The following WDR11 variants were observed in gnomAD, a reference collection of about 807,000 sequenced individuals.
WDR11 encodes the protein WD repeat-containing protein 11.
WDR11 carries 83 observed loss-of-function variants against 151.2 expected under a neutral mutation model. That is an observed-to-expected ratio of 0.55 (90% CI 0.46 to 0.66). WDR11 has a LOEUF of 0.66. WDR11 is among the 30% of genes least tolerant of loss of function. The probability of loss-of-function intolerance (pLI) is 0.00; values close to 1 mark genes in which losing one functional copy is unlikely to be tolerated. For synonymous variants in WDR11, 484 were observed against 533.1 expected (o/e 0.91, Z 1.27); for missense variants, 1,301 against 1,480.9 (o/e 0.88, Z 1.99).
At chr10:120,856,846 T>C (rs768798) in intron 2 of WDR11, among the ~76,000 whole-genome samples, 55,447 of 151,812 alleles carry the variant, frequency 0.37, 10,175 homozygotes, top group Admixed American at 0.44. Flanking sequence ...TCTTGTTATT[T>C]GTGGTAGCTA....
intron 13 of WDR11, among the ~76,000 whole-genome samples, chr10:120,881,997 A>G (rs1847023129): frequency 6.6e-6 from 1 of 152,028 alleles, no homozygotes; most frequent in Non-Finnish European, 1.5e-5. Context: ...TTTTTTGTAT[A>G]TTTCCTTTAT....
At chr10:120,857,581 GATCT>G (rs1230746667) in intron 2 of WDR11, among the ~76,000 whole-genome samples, 1 of 152,066 alleles carries the variant, frequency 6.6e-6, no homozygotes, top group Non-Finnish European at 1.5e-5. Flanking sequence ...CTGAGCAAAA[GATCT>G]ATTACAGGAA....
chr10:120,885,695 A>C, intron 14 of WDR11, 119 bp from the exon 15 acceptor site: 1 of 1,265,578 alleles, frequency 7.9e-7, no homozygotes, highest in Non-Finnish European at 1.1e-6. Context: ...ACAAATGTGG[A>C]TTCATGTGTA....
intron 4 of WDR11, among the ~76,000 whole-genome samples, chr10:120,862,146 G>GTT (rs1024130533): frequency 6.8e-6 from 1 of 146,336 alleles, no homozygotes; most frequent in African/African-American, 2.5e-5. Flanking sequence ...TTTTGTTTTT[G>GTT]TTTTTTTTTT....
chr10:120,875,010 C>G (rs554667503), intron 11 of WDR11, among the ~76,000 whole-genome samples: 1 of 151,974 alleles, frequency 6.6e-6, no homozygotes, highest in Non-Finnish European at 1.5e-5. Context: ...GTTCCTCTCG[C>G]TGTGTCTATG....
intron 3 of WDR11, among the ~76,000 whole-genome samples, chr10:120,859,270 T>G (rs1472621630): frequency 7.4e-6 from 1 of 135,936 alleles, no homozygotes; most frequent in African/African-American, 2.9e-5. Context: ...CTTTTTTTTT[T>G]TCTTTTTTTT....
At chr10:120,903,512 A>G (rs1847913610) in intron 23 of WDR11, among the ~76,000 whole-genome samples, 1 of 60,216 alleles carries the variant, frequency 1.7e-5, no homozygotes. Flanking sequence ...TCTGTCTCCA[A>G]AAAAAAAAAA....
In WDR11 at chr10:120,905,927, C is replaced by T. The variant is rs768578655; in HGVS notation, c.3343C>T (p.His1115Tyr). 1 of 1,614,074 alleles carries T rather than the reference C, an allele frequency of 6.2e-7. No homozygotes were observed. Among genetic ancestry groups the T allele is most frequent in the South Asian group, 1.1e-5 (1 of 91,066 alleles). Reference protein sequence around the residue: ...CADVLRRWVDHLCSPQVNQKS... With the variant: ...CADVLRRWVDYLCSPQVNQKS... ...CGATGTTTTAAGGCGGTGGGTTGAC[C>T]ACCTTTGTTCTCCACAAGTCAATCA... Residue 1115 changes from histidine to tyrosine, a missense_variant, in exon 27 of 29, where the codon CAC (histidine) becomes TAC (tyrosine). Physicochemically the swap from His to Tyr is moderately conservative, Grantham distance 83. Coordinates refer to ENST00000263461, the MANE Select transcript of WDR11 (RefSeq NM_018117.12).
chr10:120,882,451 A>G (rs934764215), intron 13 of WDR11, among the ~76,000 whole-genome samples: 3 of 151,076 alleles, frequency 2.0e-5, no homozygotes, highest in African/African-American at 7.3e-5. Flanking sequence ...TAGAATTGAT[A>G]TTATTCTTAC....
chr10:120,860,402 T>C, intron 4 of WDR11, 120 bp downstream of exon 4: 1 of 1,147,600 alleles, frequency 8.7e-7, no homozygotes. Context: ...CTGAGCGAAG[T>C]GGAGAAGCAT....
At chr10:120,872,235 C>T (rs1456233700) in intron 10 of WDR11, among the ~76,000 whole-genome samples, 1 of 152,018 alleles carries the variant, frequency 6.6e-6, no homozygotes, top group Non-Finnish European at 1.5e-5. Flanking sequence ...CTTTTGAAAG[C>T]GATTTGATTT....
At chr10:120,889,593 G>A (rs891742687) in intron 17 of WDR11, 6 of 443,386 alleles carry the variant, frequency 1.4e-5, no homozygotes, top group Non-Finnish European at 2.5e-5. Flanking sequence ...TGGCAAGAAG[G>A]ATCAGTAAAC....
intron 10 of WDR11, 94 bp from the exon 11 acceptor site, chr10:120,873,745 G>A (rs374525519): frequency 1.3e-4 from 111 of 828,520 alleles, no homozygotes; most frequent in African/African-American, 1.2e-3. Context: ...AAAGATAAAT[G>A]TGTTAAGTGA....
At chr10:120,871,431 T>A in intron 10 of WDR11, 85 bp downstream of exon 10, 1 of 1,389,978 alleles carries the variant, frequency 7.2e-7, no homozygotes, top group Admixed American at 1.9e-5. Flanking sequence ...CCTTTATTCT[T>A]TTTGAGGATG....
At chr10:120,886,956 A>G in intron 16 of WDR11, 120 bp downstream of exon 16, 1 of 1,078,220 alleles carries the variant, frequency 9.3e-7, no homozygotes, top group Non-Finnish European at 1.4e-6. Flanking sequence ...AACTTTATTT[A>G]AGGAGATATT....
rs774442833 is a variant in WDR11 at position 120,865,130 on chromosome 10, G to C, written c.797G>C (p.Arg266Pro). The C allele has an allele frequency of 1.9e-6, 3 of 1,613,920 alleles. No individual in the cohort carries two copies. Among genetic ancestry groups the C allele is most frequent in the Admixed American group, 3.3e-5 (2 of 60,006 alleles). The part of the protein sequence containing the change: ...KRNHMLLLYP[R>P]EILILDLEVN... ...AATCACATGTTGTTGCTCTATCCTC[G>C]AGAGATTTTAATCCTTGACCTTGAG... Residue 266 changes from arginine to proline, a missense_variant, in exon 6 of 29, where the codon CGA becomes CCA. Physicochemically the swap from Arg to Pro is moderately radical, Grantham distance 103. Coordinates refer to ENST00000263461, the MANE Select transcript of WDR11 (RefSeq NM_018117.12).
At chr10:120,906,185 T>C in intron 27 of WDR11, 164 bp downstream of exon 27, 2 of 1,515,618 alleles carry the variant, frequency 1.3e-6, no homozygotes, top group Non-Finnish European at 1.8e-6. Flanking sequence ...CTGTCCGTAT[T>C]CATTACATCT....
chr10:120,887,678 G>A (rs566365034), intron 16 of WDR11, among the ~76,000 whole-genome samples: 55 of 152,268 alleles, frequency 3.6e-4, no homozygotes, highest in African/African-American at 1.3e-3. Flanking sequence ...CATTAATGCT[G>A]GCTGTTGACG....
chr10:120,905,519 G>A, intron 26 of WDR11, 103 bp downstream of exon 26: 1 of 1,226,882 alleles, frequency 8.2e-7, no homozygotes, highest in South Asian at 1.2e-5. Flanking sequence ...GGCCTGCAAA[G>A]CTGCTTTGCA....
Sources: allele counts gnomAD v4.1 joint callset (sites outside exome capture counted in the v4.1 genomes callset), GRCh38; gene constraint gnomAD v4.1.1; transcripts MANE v1.5; gene names NCBI Gene and HGNC (gene_info 2026-07-23, HGNC 2026-07-21).